The following SLC44A5 variants were observed in gnomAD, a reference collection of about 807,000 sequenced individuals.
SLC44A5 encodes choline transporter-like protein 5.
A neutral mutation model predicts 101.8 loss-of-function variants in SLC44A5; 57 were observed. The ratio of observed to expected loss-of-function variants is 0.56; its 90% CI spans 0.45 to 0.70. The LOEUF (loss-of-function observed/expected upper bound fraction) is 0.70. Ranked by LOEUF, SLC44A5 falls within the 30% of genes least tolerant of loss-of-function variation. SLC44A5 has a pLI of 0.00. For synonymous variants in SLC44A5, 281 were observed against 290.9 expected, an observed-to-expected ratio of 0.97 and a Z score of 0.35; for missense variants, 737 against 853.1, an observed-to-expected ratio of 0.86 and a Z score of 1.70.
At chr1:75,414,569 G>T (rs1415054261) in intron 2 of SLC44A5, among the ~76,000 whole-genome samples, 4 of 152,170 alleles carry the variant, frequency 2.6e-5, no homozygotes, top group Non-Finnish European at 1.5e-5. Context: ...TTGAATTAAA[G>T]TTGTGTTTAG....
chr1:75,368,018 G>C (rs1228918800), intron 3 of SLC44A5, among the ~76,000 whole-genome samples: 2 of 152,184 alleles, frequency 1.3e-5, no homozygotes, highest in Non-Finnish European at 2.9e-5. Flanking sequence ...TTGGAAAAGA[G>C]CACTTAACAG....
intron 2 of SLC44A5, among the ~76,000 whole-genome samples, chr1:75,514,091 C>T (rs560246048): frequency 5.3e-4 from 81 of 152,250 alleles, no homozygotes; most frequent in African/African-American, 1.9e-3. Context: ...GCAATTCGCC[C>T]TCTTCATCCT....
At chr1:75,297,994 C>G (rs1654105675) in intron 5 of SLC44A5, among the ~76,000 whole-genome samples, 1 of 152,174 alleles carries the variant, frequency 6.6e-6, no homozygotes, top group Non-Finnish European at 1.5e-5. Context: ...AATGTCTCTT[C>G]CATGGAAACA....
chr1:75,651,026 T>C, the SLC44A5 span, among the ~76,000 whole-genome samples: 120 of 152,252 alleles, frequency 7.9e-4, no homozygotes, highest in Middle Eastern at 3.4e-3. Context: ...CATCACCCTA[T>C]AAAAAAGAAT....
the SLC44A5 span, among the ~76,000 whole-genome samples, chr1:75,636,029 C>T: frequency 6.6e-6 from 1 of 152,072 alleles, no homozygotes; most frequent in South Asian, 2.1e-4. Flanking sequence ...CATACATTTT[C>T]CCCATTAAGT....
At chr1:75,404,967 GCA>G (rs987874044) in intron 2 of SLC44A5, among the ~76,000 whole-genome samples, 3 of 152,140 alleles carry the variant, frequency 2.0e-5, no homozygotes, top group African/African-American at 7.2e-5. Context: ...ACGTGCAAAG[GCA>G]CACACAGGCT....
chr1:75,211,603 G>A (rs1646854204), intron 22 of SLC44A5, 51 bp from the exon 23 acceptor site: 2 of 1,286,128 alleles, frequency 1.6e-6, no homozygotes, highest in African/African-American at 1.5e-5. Flanking sequence ...TTGACCAGAA[G>A]AAGAATAATG....
At chr1:75,432,647 A>G (rs1664678789) in intron 2 of SLC44A5, among the ~76,000 whole-genome samples, 1 of 152,148 alleles carries the variant, frequency 6.6e-6, no homozygotes, top group South Asian at 2.1e-4. Context: ...TACACTACTG[A>G]AAATTATACC....
chr1:75,580,697 G>A (rs920553911), intron 1 of SLC44A5, among the ~76,000 whole-genome samples: 1 of 152,048 alleles, frequency 6.6e-6, no homozygotes, highest in Non-Finnish European at 1.5e-5. Flanking sequence ...AAATTAGCTG[G>A]ACATGGTGGC....
At chr1:75,602,190 A>G (rs562518354) in intron 1 of SLC44A5, among the ~76,000 whole-genome samples, 1 of 152,298 alleles carries the variant, frequency 6.6e-6, no homozygotes, top group East Asian at 1.9e-4. Flanking sequence ...CAACTTATTT[A>G]TAATCTATTA....
chr1:75,558,003 G>A (rs1241128479), intron 1 of SLC44A5, among the ~76,000 whole-genome samples: 3 of 152,062 alleles, frequency 2.0e-5, no homozygotes, highest in African/African-American at 7.2e-5. Context: ...TATACTATGA[G>A]TCACACATTG....
At chr1:75,579,058 G>T (rs750280354) in intron 1 of SLC44A5, among the ~76,000 whole-genome samples, 2 of 152,128 alleles carry the variant, frequency 1.3e-5, no homozygotes, top group African/African-American at 4.8e-5. Flanking sequence ...GTATCTTTGA[G>T]TTCTAAATGC....
chr1:75,583,819 A>C (rs1439734858), intron 1 of SLC44A5, among the ~76,000 whole-genome samples: 1 of 152,216 alleles, frequency 6.6e-6, no homozygotes, highest in African/African-American at 2.4e-5. Context: ...GCTTCCCAAC[A>C]TGTGATTTGG....
rs560393465 is a variant in SLC44A5 at position 75,555,837 on chromosome 1, A to G, written c.-69-14321T>C. Among the ~76,000 whole-genome samples the G allele has an allele frequency of 1.5e-4, 23 of 152,246 alleles. No homozygotes were observed. In the South Asian group the frequency reaches 3.9e-3, roughly 26 times the overall value. On this transcript the variant is annotated intron_variant, in intron 1 of 23. Transcript: ENST00000370859. ...ATTCTCCATCGTTAGATGAAAAACA[A>G]ATATTTGTATATCCACACAGTAGAA...
chr1:75,478,138 T>C (rs973826053), intron 2 of SLC44A5, among the ~76,000 whole-genome samples: 5 of 152,208 alleles, frequency 3.3e-5, no homozygotes, highest in Admixed American at 2.0e-4. Context: ...CAGAATTTCA[T>C]ATCCAGCCAA....
At chr1:75,628,649 A>G in the SLC44A5 span, among the ~76,000 whole-genome samples, 1 of 152,226 alleles carries the variant, frequency 6.6e-6, no homozygotes, top group Admixed American at 6.5e-5. Flanking sequence ...AAAAGTAAAT[A>G]GCATTCAAAC....
At chr1:75,259,890 A>G (rs922375511) in intron 6 of SLC44A5, among the ~76,000 whole-genome samples, 5 of 152,198 alleles carry the variant, frequency 3.3e-5, no homozygotes, top group Admixed American at 2.6e-4. Context: ...ATTCTTAAAG[A>G]AAAGAATTTT....
the SLC44A5 span, among the ~76,000 whole-genome samples, chr1:75,653,424 G>A: frequency 6.6e-6 from 1 of 152,168 alleles, no homozygotes; most frequent in Non-Finnish European, 1.5e-5. Flanking sequence ...AGAGGTTGTA[G>A]TGAGCCAAGA....
chr1:75,554,231 C>T (rs758967651), intron 1 of SLC44A5, among the ~76,000 whole-genome samples: 7 of 151,996 alleles, frequency 4.6e-5, no homozygotes, highest in Non-Finnish European at 8.8e-5. Context: ...AATCCCAGTG[C>T]TTTGAGAGGC....
Sources: allele counts gnomAD v4.1 joint callset (sites outside exome capture counted in the v4.1 genomes callset), GRCh38; gene constraint gnomAD v4.1.1; transcripts MANE v1.5; gene names NCBI Gene and HGNC (gene_info 2026-07-23, HGNC 2026-07-21).